BID: variants seen among roughly 807,000 people sequenced by gnomAD.
BID encodes the protein BH3-interacting domain death agonist.
A neutral mutation model predicts 17.4 loss-of-function variants in BID; 19 were observed. The observed-to-expected ratio is 1.09, with a 90% confidence interval of 0.76 to 1.60. The LOEUF is 1.60. BID is among the 40% of genes most tolerant of loss of function. BID has a pLI of 0.00. For synonymous variants in BID, 108 were observed against 102.8 expected, an observed-to-expected ratio of 1.05 and a Z score of -0.31; for missense variants, 226 against 256.0, an observed-to-expected ratio of 0.88 and a Z score of 0.80.
At chr22:17,755,287 A>G (rs941178047) in intron 1 of BID, among the ~76,000 whole-genome samples, 1 of 151,898 alleles carries the variant, frequency 6.6e-6, no homozygotes, top group Non-Finnish European at 1.5e-5. Flanking sequence ...ACGTCGATCC[A>G]CCCACCAAAC....
intron 4 of BID, 80 bp downstream of exon 4, chr22:17,739,269 G>A: frequency 6.9e-7 from 1 of 1,455,918 alleles, no homozygotes; most frequent in Non-Finnish European, 9.1e-7. Context: ...TCACGGGACA[G>A]TGGGCTGCCT....
rs1400768758 is a variant in BID, at chr22:17,744,117, A to G, written c.13-104T>C. On this transcript the variant is annotated intron_variant, in intron 2 of 5. Transcript: ENST00000622694. ...TGGCCCAAAGAGCCTCACAGGTCCC[A>G]GAGAGCTGAGGGACCCTGTGGGCTG... The G allele has an allele frequency of 3.5e-5, 37 of 1,058,408 alleles. No individual in the cohort carries two copies. The East Asian group carries it at 8.8e-4, about 25-fold the overall frequency. 65.6% of individuals were successfully genotyped at this position (1,058,408 alleles called of 1,614,324 possible).
upstream of BID, chr22:17,774,482 G>T: frequency 3.6e-6 from 1 of 277,350 alleles, no homozygotes; most frequent in Non-Finnish European, 7.7e-6. Flanking sequence ...GGCGCCCCGC[G>T]CGCTTCCTCC....
chr22:17,772,264 G>C (rs1346998590), intron 1 of BID, among the ~76,000 whole-genome samples: 1 of 152,278 alleles, frequency 6.6e-6, no homozygotes, highest in African/African-American at 2.4e-5. Flanking sequence ...TGTGGCCGCT[G>C]AGGGCGGTCC....
At chr22:17,738,741 C>G (rs1444838961) in intron 4 of BID, among the ~76,000 whole-genome samples, 2 of 152,170 alleles carry the variant, frequency 1.3e-5, no homozygotes, top group Admixed American at 1.3e-4. Flanking sequence ...CCCCACTGAA[C>G]AGAAGCATGA....
At chr22:17,751,265 G>A (rs1244534064) in intron 1 of BID, among the ~76,000 whole-genome samples, 4 of 151,808 alleles carry the variant, frequency 2.6e-5, no homozygotes, top group African/African-American at 7.3e-5. Context: ...CCAGCTACTC[G>A]GGAGGCTGAG....
chr22:17,737,876 A>C, intron 5 of BID, 141 bp downstream of exon 5: 1 of 877,678 alleles, frequency 1.1e-6, no homozygotes, highest in Non-Finnish European at 1.8e-6. Flanking sequence ...CTAGCTCACA[A>C]CAGCAAAACC....
At chr22:17,772,385 T>C (rs2061727936) in intron 1 of BID, among the ~76,000 whole-genome samples, 1 of 152,206 alleles carries the variant, frequency 6.6e-6, no homozygotes, top group Non-Finnish European at 1.5e-5. Context: ...AGGCCTGTGC[T>C]GCCCTCCACA....
At chr22:17,771,859 C>T (rs2061723356) in intron 1 of BID, among the ~76,000 whole-genome samples, 1 of 152,196 alleles carries the variant, frequency 6.6e-6, no homozygotes, top group African/African-American at 2.4e-5. Flanking sequence ...TTCCCCTTTC[C>T]CACACACGTC....
chr22:17,762,268 G>C (rs939773218), intron 1 of BID, among the ~76,000 whole-genome samples: 3 of 152,160 alleles, frequency 2.0e-5, no homozygotes, highest in African/African-American at 7.2e-5. Context: ...AGGCCGAGGC[G>C]GGTGGATCAC....
chr22:17,756,463 C>CT (rs1414477627), intron 1 of BID, among the ~76,000 whole-genome samples: 1,164 of 101,782 alleles, frequency 0.011, 10 homozygotes, highest in Middle Eastern at 0.059. Flanking sequence ...TTCTTTCTTT[C>CT]TTTCTTTCTT....
chr22:17,756,142 C>T (rs1318232807), intron 1 of BID, among the ~76,000 whole-genome samples: 2 of 152,224 alleles, frequency 1.3e-5, no homozygotes, highest in African/African-American at 2.4e-5. Flanking sequence ...GCTGGGATTA[C>T]AGGCGTGAGC....
chr22:17,746,461 G>T (rs906026873), intron 2 of BID, among the ~76,000 whole-genome samples: 1 of 152,178 alleles, frequency 6.6e-6, no homozygotes, highest in African/African-American at 2.4e-5. Flanking sequence ...AACAATTCTT[G>T]TACGGAGCAG....
rs971698037 is a variant in BID at position 17,763,710 on chromosome 22, C to A, written c.-59+10671G>T. Among the ~76,000 whole-genome samples, 46 of 141,968 alleles carry A rather than the reference C, an allele frequency of 3.2e-4. 1 individual carries two copies. The highest frequency in any genetic ancestry group is 2.8e-3 in the Admixed American group (40 of 14,164). 93.1% of individuals were successfully genotyped at this position (141,968 alleles called of 152,430 possible). A position where few individuals can be genotyped will look rare whatever the true frequency, so the allele number is the denominator to read the frequency against. ...TATGCTTCCTCAACATGAAAACATA[C>A]TTTTTTTTTTTTTTTGAAAAGCAAC... is the stretch of plus-strand genomic sequence containing the variant. On this transcript the variant is annotated intron_variant, in intron 1 of 5. Coordinates refer to ENST00000622694, the MANE Select transcript of BID (RefSeq NM_001196.4).
intron 2 of BID, among the ~76,000 whole-genome samples, chr22:17,749,513 A>C (rs569822570): frequency 3.3e-5 from 5 of 152,234 alleles, no homozygotes; most frequent in Admixed American, 2.0e-4. Flanking sequence ...GGGTTAAAAA[A>C]TTTTTGAAAC....
At position 17,773,076 on chromosome 22, in the gene BID, G is replaced by A. The variant is rs1465099658; in HGVS notation, c.-59+1305C>T. 6.6e-6 allele frequency among the ~76,000 whole-genome samples: 1 copy of A among 152,116 alleles called. No homozygotes were observed. Among genetic ancestry groups the A allele is most frequent in the Non-Finnish European group, 1.5e-5 (1 of 68,020 alleles). On this transcript the variant is annotated intron_variant, in intron 1 of 5. Coordinates refer to ENST00000622694, the MANE Select transcript of BID (RefSeq NM_001196.4). The surrounding 1 kb of genome is among the most constrained non-coding windows in gnomAD (Gnocchi z 4.4). Reference sequence around the variant, plus strand: ...CATGCTCCCTGTGCCCGTCCTGGGAGATCCCTGCCTTTAAACCCCAGCCAC... The same window carrying A: ...CATGCTCCCTGTGCCCGTCCTGGGAAATCCCTGCCTTTAAACCCCAGCCAC...
At chr22:17,757,302 C>A (rs2061598284) in intron 1 of BID, among the ~76,000 whole-genome samples, 2 of 148,946 alleles carry the variant, frequency 1.3e-5, no homozygotes, top group Admixed American at 1.4e-4. Flanking sequence ...GTAGTCCCAG[C>A]TACTGGGGAA....
chr22:17,744,080 T>G, intron 2 of BID, 67 bp from the exon 3 acceptor site: 1 of 1,413,098 alleles, frequency 7.1e-7, no homozygotes, highest in Non-Finnish European at 9.9e-7. Flanking sequence ...TGCAAAGAGC[T>G]CCAGTTGCAG....
At position 17,743,838 on chromosome 22, in the gene BID, C is replaced by A; in HGVS notation, c.188G>T (p.Arg63Leu). The change falls in exon 3 of 6, where the codon CGC becomes CTC. Residue 63 changes from arginine to leucine, a missense_variant. By Grantham distance (102) the Arg-to-Leu change is moderately radical. Transcript: ENST00000622694. ...GYDELQTDGN[R>L]SSHSRLGRIE... Reference sequence around the variant, plus strand: ...TCTTCCCAAGCGGGAGTGGCTGCTGCGGTTGCCATCAGTCTGCAGCTCATC... The same window carrying A: ...TCTTCCCAAGCGGGAGTGGCTGCTGAGGTTGCCATCAGTCTGCAGCTCATC... 1.9e-6 allele frequency: 3 copies of A among 1,611,822 alleles called. No individual in the cohort carries two copies. Among genetic ancestry groups the A allele is most frequent in the African/African-American group, 1.3e-5 (1 of 75,034 alleles).
Sources: gnomAD v4.1 joint callset for allele counts (sites outside exome capture counted in the v4.1 genomes callset) on GRCh38, gnomAD v4.1.1 for gene constraint, Gnocchi (gnomAD v3.1) non-coding constraint, MANE v1.5 for transcripts, NCBI Gene and HGNC (gene_info 2026-07-23, HGNC 2026-07-21) for gene names.